FAM169A: variants seen among roughly 807,000 people sequenced by gnomAD.
FAM169A encodes the protein family with sequence similarity 169 member A, also known as soluble lamin-associated protein of 75 kDa.
Under a neutral mutation model 75.7 loss-of-function variants are expected in FAM169A, and 24 were observed. The observed-to-expected ratio is 0.32, with a 90% CI of 0.23 to 0.45. The LOEUF (loss-of-function observed/expected upper bound fraction) is 0.45, where lower values mean the gene tolerates loss of function less well. Ranked by LOEUF, FAM169A falls within the 20% of genes least tolerant of loss-of-function variation. The pLI is 1.00. For synonymous variants in FAM169A, 271 were observed against 271.0 expected, an observed-to-expected ratio of 1.00 and a Z score of 0.00; for missense variants, 673 against 784.0, an observed-to-expected ratio of 0.86 and a Z score of 1.69.
At chr5:74,837,090 C>T (rs1366922985) in intron 4 of FAM169A, among the ~76,000 whole-genome samples, 1 of 152,146 alleles carries the variant, frequency 6.6e-6, no homozygotes, top group Non-Finnish European at 1.5e-5. Context: ...ACTTGAACAG[C>T]AAAAGCTACA....
Position 74,835,250 on chromosome 5 carries a change from A to G in FAM169A, c.319-653T>C, listed in dbSNP as rs16872320. On this transcript the variant is annotated intron_variant, in intron 4 of 12. Coordinates refer to ENST00000687041, the MANE Select transcript of FAM169A (RefSeq NM_001376049.1). ...AGTCTCACTTCCTACACACAGGGCT[A>G]CATGGTCACAGGGACCGCACCAACA... Among the ~76,000 whole-genome samples, 954 of 152,266 alleles carry G rather than the reference A, an allele frequency of 6.3e-3. 8 individuals are homozygous for G. The highest frequency in any genetic ancestry group is 0.022 in the African/African-American group (911 of 41,564).
At chr5:74,832,181 T>C (rs1379437551) in intron 5 of FAM169A, among the ~76,000 whole-genome samples, 2 of 151,424 alleles carry the variant, frequency 1.3e-5, no homozygotes, top group African/African-American at 4.8e-5. Context: ...ATATAAATAA[T>C]GAGAAAAAAT....
chr5:74,802,390 A>G (rs934655624), intron 8 of FAM169A, among the ~76,000 whole-genome samples: 51 of 152,226 alleles, frequency 3.4e-4, no homozygotes, highest in African/African-American at 1.2e-3. Context: ...TTTGATAAAA[A>G]AAAAAAGAGG....
chr5:74,830,939 C>A (rs1221779522), intron 5 of FAM169A, among the ~76,000 whole-genome samples: 2 of 152,136 alleles, frequency 1.3e-5, no homozygotes, highest in Non-Finnish European at 2.9e-5. Flanking sequence ...GATGACAAAA[C>A]ACTACCTGCA....
At chr5:74,828,312 C>T (rs192501084) in intron 5 of FAM169A, among the ~76,000 whole-genome samples, 187 of 152,280 alleles carry the variant, frequency 1.2e-3, no homozygotes, top group Middle Eastern at 3.4e-3. Context: ...TTTTACACTA[C>T]TACAAAACTA....
At chr5:74,783,270 A>G (rs755399119) in intron 11 of FAM169A, 136 bp from the exon 12 acceptor site, 25 of 625,076 alleles carry the variant, frequency 4.0e-5, no homozygotes, top group Non-Finnish European at 6.7e-5. Context: ...CATGGGTTAA[A>G]GAACAGTCTT....
At chr5:74,799,891 T>C in intron 10 of FAM169A, 4 of 973,802 alleles carry the variant, frequency 4.1e-6, no homozygotes, top group Non-Finnish European at 6.7e-6. Context: ...ATGTCTGCCA[T>C]GGAATGCTTC....
In FAM169A at chr5:74,834,656, CTATT is replaced by C. The variant is rs1748477040; in HGVS notation, c.319-63_319-60del. 5.3e-6 allele frequency: 7 copies of C among 1,324,432 alleles called. No individual in the cohort carries two copies. The African/African-American group carries it at 6.0e-5, about 11-fold the overall frequency. 82.0% of individuals were successfully genotyped at this position (1,324,432 alleles called of 1,614,324 possible). ...TATAATATGCATCAATCACAAGATGCTATTTACTTTGCTCCCTGCTCCCATACCT... is the reference window on the plus strand; with the variant it reads ...TATAATATGCATCAATCACAAGATGCTACTTTGCTCCCTGCTCCCATACCT... On this transcript the variant is annotated intron_variant, in intron 4 of 12. Transcript: ENST00000687041.
At chr5:74,863,994 T>C (rs1750172403) in intron 1 of FAM169A, among the ~76,000 whole-genome samples, 1 of 152,196 alleles carries the variant, frequency 6.6e-6, no homozygotes, top group African/African-American at 2.4e-5. Context: ...TCTCTAAATG[T>C]CCAAGGTTCT....
chr5:74,854,397 AAATAAT>A (rs3031222), intron 1 of FAM169A, among the ~76,000 whole-genome samples: 9 of 150,766 alleles, frequency 6.0e-5, no homozygotes, highest in Admixed American at 4.0e-4. Flanking sequence ...TCCATCTCAA[AAATAAT>A]AATAATAATA....
intron 10 of FAM169A, among the ~76,000 whole-genome samples, chr5:74,796,533 C>T (rs541578105): frequency 1.3e-5 from 2 of 152,068 alleles, no homozygotes; most frequent in South Asian, 4.2e-4. Context: ...AGCCCCCGAG[C>T]AGCTGAGACT....
At chr5:74,862,959 T>C (rs1010971119) in intron 1 of FAM169A, among the ~76,000 whole-genome samples, 2 of 151,266 alleles carry the variant, frequency 1.3e-5, no homozygotes, top group Non-Finnish European at 2.9e-5. Flanking sequence ...AAATGAAAGC[T>C]ATCTTTGTTT....
intron 1 of FAM169A, among the ~76,000 whole-genome samples, chr5:74,864,307 C>T (rs1398580434): frequency 3.3e-5 from 5 of 152,160 alleles, no homozygotes; most frequent in African/African-American, 9.6e-5. Context: ...CTCGGCTCAC[C>T]GCAACCTCTG....
At position 74,779,577 on chromosome 5, in the gene FAM169A, T is replaced by C. The variant is rs1745307035; in HGVS notation, c.*1883A>G. ...TGACAGAAGTTTCTCATAAAATGTA[T>C]AAAACAGCATAAATGTTTGGTAGAT... On this transcript the variant is annotated 3_prime_UTR_variant, in exon 13 of 13. Transcript: ENST00000687041. The C allele has an allele frequency of 6.6e-6, 1 of 151,878 alleles. No individual in the cohort carries two copies. Among genetic ancestry groups the C allele is most frequent in the African/African-American group, 2.4e-5 (1 of 41,386 alleles). The allele number at this position is 151,878 out of a possible 1,614,324, so 9.4% of individuals were successfully genotyped here. A position where few individuals can be genotyped will look rare whatever the true frequency, so the allele number is the denominator to read the frequency against.
intron 5 of FAM169A, among the ~76,000 whole-genome samples, chr5:74,819,332 C>A (rs1747653437): frequency 6.6e-6 from 1 of 152,052 alleles, no homozygotes; most frequent in Non-Finnish European, 1.5e-5. Flanking sequence ...CAGGAAAATG[C>A]AAATCAAAAT....
chr5:74,790,560 CA>C (rs1745923618), intron 11 of FAM169A, among the ~76,000 whole-genome samples: 2 of 152,152 alleles, frequency 1.3e-5, no homozygotes. Flanking sequence ...AGTACTCTAC[CA>C]AAGGGTGACC....
At chr5:74,789,320 T>C (rs367718201) in intron 11 of FAM169A, among the ~76,000 whole-genome samples, 41 of 152,276 alleles carry the variant, frequency 2.7e-4, no homozygotes, top group African/African-American at 9.9e-4. Context: ...TCTACCTCAG[T>C]AAAGTTTCTA....
At chr5:74,827,064 T>C (rs1748067646) in intron 5 of FAM169A, among the ~76,000 whole-genome samples, 1 of 152,186 alleles carries the variant, frequency 6.6e-6, no homozygotes, top group African/African-American at 2.4e-5. Context: ...TGCTACAGAA[T>C]GATACTGTGC....
At position 74,856,051 on chromosome 5, in the gene FAM169A, G is replaced by A. The variant is rs190736542; in HGVS notation, c.-4+10114C>T. 3.8e-3 allele frequency among the ~76,000 whole-genome samples: 578 copies of A among 152,276 alleles called. 6 individuals carry two copies. The highest frequency in any genetic ancestry group is 6.8e-3 in the Middle Eastern group (2 of 292). The stretch of plus-strand genomic sequence containing the variant: ...TATTAAAGAGATTTTCCTTTCCCCA[G>A]TGTATGTTCATGTTACCTTTGTCAA... On this transcript the variant is annotated intron_variant, in intron 1 of 12. Transcript: ENST00000687041.
Sources: gnomAD v4.1 joint callset for allele counts (sites outside exome capture counted in the v4.1 genomes callset) on GRCh38, gnomAD v4.1.1 for gene constraint, MANE v1.5 for transcripts, NCBI Gene and HGNC (gene_info 2026-07-23, HGNC 2026-07-21) for gene names.